RLF: variants seen among roughly 807,000 people sequenced by gnomAD.
RLF encodes zinc finger protein Rlf.
RLF carries 7 observed loss-of-function variants against 162.9 expected under a neutral mutation model. The observed-to-expected ratio is 0.04, with a 90% CI of 0.02 to 0.08. RLF has a LOEUF of 0.08. Among genes scored for constraint, RLF ranks in the 10% least tolerant of loss-of-function variants. The probability of loss-of-function intolerance (pLI) is 1.00; values close to 1 mark genes in which losing one functional copy is unlikely to be tolerated. For missense variants in RLF, 1,664 were observed against 2,244.7 expected, an observed-to-expected ratio of 0.74 and a Z score of 5.23; for synonymous variants, 782 against 791.5, an observed-to-expected ratio of 0.99 and a Z score of 0.20.
At chr1:40,233,832 C>T (rs1460010119) in intron 7 of RLF, among the ~76,000 whole-genome samples, 1 of 152,202 alleles carries the variant, frequency 6.6e-6, no homozygotes, top group Admixed American at 6.5e-5. Flanking sequence ...CCCCTTCTCA[C>T]TATTACACTT....
chr1:40,170,458 G>A (rs1275813429), intron 1 of RLF, among the ~76,000 whole-genome samples: 6 of 151,938 alleles, frequency 3.9e-5, no homozygotes, highest in African/African-American at 7.3e-5. Flanking sequence ...ATAGGGTTTC[G>A]CCACGTTGTC....
intron 1 of RLF, among the ~76,000 whole-genome samples, chr1:40,182,396 T>C (rs1186711263): frequency 6.6e-6 from 1 of 152,034 alleles, no homozygotes; most frequent in Non-Finnish European, 1.5e-5. Context: ...ATTGCGCCAC[T>C]GCACTCCAGC....
chr1:40,225,816 G>T (rs1355209473), intron 6 of RLF, among the ~76,000 whole-genome samples: 1 of 145,968 alleles, frequency 6.9e-6, no homozygotes, highest in Non-Finnish European at 1.5e-5. Flanking sequence ...GGCAGAGCTT[G>T]CAGTGAGCCG....
At chr1:40,173,514 AT>A (rs34760861) in intron 1 of RLF, among the ~76,000 whole-genome samples, 30,152 of 142,436 alleles carry the variant, frequency 0.21, 3,135 homozygotes, top group African/African-American at 0.25. Context: ...TGATCATGTA[AT>A]TTTTTTTTTT....
Position 40,239,552 on chromosome 1 carries a change from G to A in RLF, c.4850G>A (p.Ser1617Asn), listed in dbSNP as rs1643263162. 4 of 1,614,124 alleles carry A rather than the reference G, an allele frequency of 2.5e-6. No individual in the cohort carries two copies. The highest frequency in any genetic ancestry group is 1.3e-5 in the African/African-American group (1 of 75,042). ...DPCIKKEENR[S>N]CESERTEHSH... ...TGTATAAAGAAAGAAGAAAATAGAA[G>A]CTGTGAATCAGAGCGCACAGAACAC... is the stretch of plus-strand genomic sequence containing the variant. Residue 1617 changes from serine (S) to asparagine (N), a missense_variant, in exon 8 of 8, where the codon AGC becomes AAC. Physicochemically the swap from Ser to Asn is conservative, Grantham distance 46. This residue lies in a region of RLF where 327 missense variants were observed against 342.7 expected (regional missense o/e 0.95). Transcript: ENST00000372771.
At chr1:40,198,084 A>C (rs1232901113) in intron 4 of RLF, among the ~76,000 whole-genome samples, 1 of 151,904 alleles carries the variant, frequency 6.6e-6, no homozygotes, top group Non-Finnish European at 1.5e-5. Flanking sequence ...GCTCACTGCA[A>C]CCTCTGCCTC....
chr1:40,239,903 G>C lies in RLF; in HGVS notation c.5201G>C (p.Gly1734Ala), dbSNP rs764311289. Residue 1734 changes from glycine (G) to alanine (A), a missense_variant, in exon 8 of 8, where the codon GGG (glycine) becomes GCG (alanine). Around this residue, in one of 15 missense-constraint regions of RLF, gnomAD observed 327 missense variants for 342.7 expected, o/e 0.95. Transcript: ENST00000372771. ...TCAGAAACTAGGCAGCATAGTTCAGGGCAAGAAAACACTGTAAAAAATCCA... is the reference window on the plus strand; with the variant it reads ...TCAGAAACTAGGCAGCATAGTTCAGCGCAAGAAAACACTGTAAAAAATCCA... ...KESETRQHSS[G>A]QENTVKNPTH... The C allele has an allele frequency of 1.9e-6, 3 of 1,613,476 alleles. No homozygotes were observed. In the African/African-American group the frequency reaches 4.0e-5, roughly 22 times the overall value.
Position 40,161,552 on chromosome 1 carries a change from G to A in RLF, c.153G>A (p.Pro51=), listed in dbSNP as rs768217504. 7 of 1,609,666 alleles carry A rather than the reference G, an allele frequency of 4.3e-6. No individual in the cohort carries two copies. The highest frequency in any genetic ancestry group is 5.9e-6 in the Non-Finnish European group (7 of 1,178,238). ...CGCCGGGAGCCTCGGGACTGCGGCC[G>A]TGTCTGTGGCAGCTGGAGACAGAGC... ...SPAPGASGLR[P]CLWQLETELR... The change falls in exon 1 of 8, where the codon CCG becomes CCA. Residue 51 remains proline (P), a synonymous_variant. Coordinates refer to ENST00000372771, the MANE Select transcript of RLF (RefSeq NM_012421.4). This position sits in a 1 kb window ranked among gnomAD's most constrained non-coding sequence, Gnocchi z 4.4.
In RLF at chr1:40,236,516, T is replaced by G. The variant is rs1397835931; in HGVS notation, c.1814T>G (p.Val605Gly). ...EMFVPHVMEHVKMPPSRRDRS... is the reference protein window; with the variant it reads ...EMFVPHVMEHGKMPPSRRDRS... ...TTTGTTCCTCATGTGATGGAGCATG[T>G]TAAAATGCCACCAAGCAGAAGGGAC... The change falls in exon 8 of 8, where the codon GTT becomes GGT. Residue 605 changes from valine (V) to glycine (G), a missense_variant. Transcript: ENST00000372771. The surrounding 1 kb of genome is among the most constrained non-coding windows in gnomAD (Gnocchi z 7.7). 6.8e-6 allele frequency: 11 copies of G among 1,613,692 alleles called. No individual in the cohort carries two copies. Among genetic ancestry groups the G allele is most frequent in the Non-Finnish European group, 9.3e-6 (11 of 1,179,942 alleles).
chr1:40,195,537 T>C, intron 3 of RLF, 95 bp from the exon 4 acceptor site: 5 of 954,602 alleles, frequency 5.2e-6, no homozygotes, highest in Non-Finnish European at 7.6e-6. Flanking sequence ...TCCAAATAGG[T>C]TCTTTCAATT....
rs1486326664 is a variant in RLF, at chr1:40,231,538, T to C, written c.969T>C (p.Ser323=). ...YCSWELTLFW[S]KLQRRIDPSL... ...ATAGGGAACTGACTCTTTTTTGGAGTAAACTGCAAAGAAGAATTGACCCTT... is the reference window on the plus strand; with the variant it reads ...ATAGGGAACTGACTCTTTTTTGGAGCAAACTGCAAAGAAGAATTGACCCTT... Residue 323 remains serine, a synonymous_variant, in exon 7 of 8, where the codon AGT becomes AGC. Transcript: ENST00000372771. The C allele has an allele frequency of 6.2e-7, 1 of 1,613,482 alleles. No individual in the cohort carries two copies. Among genetic ancestry groups the C allele is most frequent in the Non-Finnish European group, 8.5e-7 (1 of 1,179,786 alleles).
At chr1:40,170,896 C>T (rs923715073) in intron 1 of RLF, among the ~76,000 whole-genome samples, 6 of 152,040 alleles carry the variant, frequency 3.9e-5, no homozygotes, top group African/African-American at 7.2e-5. Context: ...GTTTATTTCT[C>T]GCCACTTGTG....
chr1:40,237,827 A>G lies in RLF; in HGVS notation c.3125A>G (p.Tyr1042Cys), dbSNP rs1570568688. The G allele has an allele frequency of 1.2e-6, 2 of 1,614,182 alleles. No individual in the cohort carries two copies. Among genetic ancestry groups the G allele is most frequent in the Admixed American group, 3.3e-5 (2 of 60,028 alleles). The change falls in exon 8 of 8, where the codon TAT (tyrosine) becomes TGT (cysteine). Residue 1042 changes from tyrosine to cysteine, a missense_variant. Tyr to Cys is a radical substitution (Grantham distance 194). Around this residue, in one of 15 missense-constraint regions of RLF, gnomAD observed 295 missense variants for 317.4 expected, o/e 0.93. Transcript: ENST00000372771. This position sits in a 1 kb window ranked among gnomAD's most constrained non-coding sequence, Gnocchi z 4.4. ...HIKCKREHQG[Y>C]SSESSICASK... ...AAATGTAAACGAGAACATCAAGGTT[A>G]TTCCTCAGAATCCTCCATTTGTGCT...
rs149527908 is a variant in RLF at position 40,234,734 on chromosome 1, G to A, written c.1090-1058G>A. On this transcript the variant is annotated intron_variant, in intron 7 of 7. Transcript: ENST00000372771. Reference sequence around the variant, plus strand: ...CTAAAGTCTCTGCTCATAGCAGTGCGTTTTAAGCCACTCTGACATATCTTG... The same window carrying A: ...CTAAAGTCTCTGCTCATAGCAGTGCATTTTAAGCCACTCTGACATATCTTG... Among the ~76,000 whole-genome samples the A allele has an allele frequency of 1.1e-3, 174 of 152,304 alleles. 1 individual carries two copies. Among genetic ancestry groups the A allele is most frequent in the South Asian group, 3.9e-3 (19 of 4,830 alleles).
chr1:40,225,705 T>C (rs1643062106), intron 6 of RLF, among the ~76,000 whole-genome samples: 1 of 150,476 alleles, frequency 6.6e-6, no homozygotes, highest in Non-Finnish European at 1.5e-5. Context: ...TGAAACCCTG[T>C]CTCTACTAAA....
chr1:40,177,233 G>A (rs868087228), intron 1 of RLF, among the ~76,000 whole-genome samples: 6 of 151,826 alleles, frequency 4.0e-5, no homozygotes, highest in African/African-American at 7.3e-5. Flanking sequence ...TGATCTGCCC[G>A]TGCTGGGATT....
intron 1 of RLF, chr1:40,177,989 C>G (rs915946616): frequency 6.5e-6 from 1 of 153,800 alleles, no homozygotes; most frequent in African/African-American, 2.4e-5. Context: ...AAGAGTACTT[C>G]AAATGCAGTA....
intron 1 of RLF, among the ~76,000 whole-genome samples, chr1:40,174,692 A>AT (rs1313481850): frequency 2.6e-5 from 4 of 152,182 alleles, no homozygotes; most frequent in Admixed American, 6.5e-5. Context: ...AAGGGGTGAG[A>AT]TTTTTAAAAA....
In RLF at chr1:40,222,672, T is replaced by C; in HGVS notation, c.909T>C (p.Leu303=). 1 of 1,613,436 alleles carries C rather than the reference T, an allele frequency of 6.2e-7. No individual in the cohort carries two copies. Residue 303 remains leucine (L), a synonymous_variant, in exon 6 of 8, where the codon CTT becomes CTC. Transcript: ENST00000372771. ...NTAFVLCTTY[L]TQQLQTASVY... ...CATTTGTTCTTTGTACGACTTACCT[T>C]ACCCAGCAGCTCCAAACTGCAAGTG...
Sources: gnomAD v4.1 joint callset for allele counts (sites outside exome capture counted in the v4.1 genomes callset) on GRCh38, gnomAD v4.1.1 for gene constraint, gnomAD v4.1.1 regional missense constraint, Gnocchi (gnomAD v3.1) non-coding constraint, MANE v1.5 for transcripts, NCBI Gene and HGNC (gene_info 2026-07-23, HGNC 2026-07-21) for gene names.